Variants in JAZF1 observed in about 807,000 individuals in gnomAD.
The protein encoded by JAZF1 is juxtaposed with another zinc finger protein 1.
JAZF1 carries 8 observed loss-of-function variants against 26.4 expected under a neutral mutation model. The ratio of observed to expected loss-of-function variants is 0.30; its 90% CI spans 0.18 to 0.55. JAZF1 has a LOEUF of 0.55. Ranked by LOEUF, JAZF1 falls within the 20% of genes least tolerant of loss-of-function variation. The pLI, the probability that JAZF1 is intolerant of heterozygous loss-of-function variation, is 0.94. For synonymous variants in JAZF1, 126 were observed against 122.3 expected, an observed-to-expected ratio of 1.03 and a Z score of -0.20; for missense variants, 199 against 322.0, an observed-to-expected ratio of 0.62 and a Z score of 2.92.
At chr7:27,971,375 T>G (rs767206681) in intron 2 of JAZF1, among the ~76,000 whole-genome samples, 2 of 152,142 alleles carry the variant, frequency 1.3e-5, no homozygotes, top group Non-Finnish European at 2.9e-5. Context: ...CTGCACTGCT[T>G]TGAGCCAACG....
intron 1 of JAZF1, among the ~76,000 whole-genome samples, chr7:28,094,260 G>A (rs531831819): frequency 3.3e-4 from 50 of 152,204 alleles, no homozygotes; most frequent in East Asian, 3.3e-3. Context: ...CTGCCTCCCC[G>A]ATATCCCTTC....
At chr7:27,913,874 T>C (rs1784402323) in intron 2 of JAZF1, among the ~76,000 whole-genome samples, 1 of 152,214 alleles carries the variant, frequency 6.6e-6, no homozygotes, top group African/African-American at 2.4e-5. Flanking sequence ...CTTTACCACG[T>C]GCTAGTTATA....
intron 1 of JAZF1, among the ~76,000 whole-genome samples, chr7:28,122,192 G>C (rs1183623879): frequency 6.6e-6 from 1 of 152,136 alleles, no homozygotes; most frequent in Non-Finnish European, 1.5e-5. Flanking sequence ...TCATGTCTGA[G>C]CCAAAACCAA....
intron 1 of JAZF1, among the ~76,000 whole-genome samples, chr7:28,122,746 T>C (rs1266349331): frequency 6.6e-6 from 1 of 152,118 alleles, no homozygotes; most frequent in Non-Finnish European, 1.5e-5. Flanking sequence ...CACTCATGTG[T>C]TCATTCATTC....
At chr7:27,956,818 A>G (rs1031036114) in intron 2 of JAZF1, among the ~76,000 whole-genome samples, 2 of 152,196 alleles carry the variant, frequency 1.3e-5, no homozygotes, top group African/African-American at 4.8e-5. Context: ...TCGGAGAAGA[A>G]TATTTTCAAA....
intron 1 of JAZF1, among the ~76,000 whole-genome samples, chr7:28,030,516 T>C (rs1783171223): frequency 1.3e-5 from 2 of 152,222 alleles, no homozygotes; most frequent in South Asian, 2.1e-4. Context: ...TGGATAACTC[T>C]GCATAAGTAA....
intron 1 of JAZF1, among the ~76,000 whole-genome samples, chr7:28,171,184 C>A (rs965728076): frequency 3.9e-5 from 6 of 152,172 alleles, no homozygotes; most frequent in African/African-American, 1.4e-4. Context: ...ATACCCCTGG[C>A]AATTTAACAA....
intron 3 of JAZF1, among the ~76,000 whole-genome samples, chr7:27,876,486 C>T (rs1783682979): frequency 1.3e-5 from 2 of 152,106 alleles, no homozygotes; most frequent in Admixed American, 6.5e-5. Flanking sequence ...TTAACACCAC[C>T]GTTATCACAA....
At chr7:28,004,825 G>A (rs1384462173) in intron 1 of JAZF1, among the ~76,000 whole-genome samples, 2 of 152,166 alleles carry the variant, frequency 1.3e-5, no homozygotes, top group Non-Finnish European at 2.9e-5. Flanking sequence ...GCTAATTTTT[G>A]TATTTTTAGT....
intron 1 of JAZF1, among the ~76,000 whole-genome samples, chr7:27,992,486 T>C (rs962991231): frequency 2.0e-5 from 3 of 152,096 alleles, no homozygotes; most frequent in African/African-American, 4.8e-5. Flanking sequence ...GTATAATGAG[T>C]TTATTATAAC....
intron 1 of JAZF1, among the ~76,000 whole-genome samples, chr7:28,066,805 T>C (rs955349505): frequency 6.6e-6 from 1 of 152,068 alleles, no homozygotes; most frequent in Non-Finnish European, 1.5e-5. Context: ...GTTACTGCTG[T>C]TTTAAAACTC....
intron 3 of JAZF1, among the ~76,000 whole-genome samples, chr7:27,858,788 C>T (rs555393232): frequency 1.3e-4 from 20 of 152,238 alleles, no homozygotes; most frequent in Admixed American, 1.2e-3. Context: ...TAGAAGAAAA[C>T]CTAGGCAATA....
At chr7:27,909,048 T>C (rs1784314167) in intron 2 of JAZF1, among the ~76,000 whole-genome samples, 1 of 144,718 alleles carries the variant, frequency 6.9e-6, no homozygotes, top group African/African-American at 2.6e-5. Flanking sequence ...CTCGCTGTGC[T>C]GTCCAGAATG....
intron 2 of JAZF1, among the ~76,000 whole-genome samples, chr7:27,926,005 A>G (rs1338145061): frequency 6.6e-6 from 1 of 152,094 alleles, no homozygotes; most frequent in East Asian, 1.9e-4. Flanking sequence ...GAAGTGAACC[A>G]CTCTGCATGA....
At chr7:27,974,957 T>G (rs930753443) in intron 2 of JAZF1, among the ~76,000 whole-genome samples, 1 of 151,278 alleles carries the variant, frequency 6.6e-6, no homozygotes, top group African/African-American at 2.4e-5. Context: ...CGATCTGGGC[T>G]CTCTGCAACC....
chr7:28,108,889 C>A (rs938842964), intron 1 of JAZF1, among the ~76,000 whole-genome samples: 3 of 152,284 alleles, frequency 2.0e-5, no homozygotes, highest in Admixed American at 2.0e-4. Flanking sequence ...AGGAAACTGC[C>A]ATTTGCAATA....
chr7:27,995,508 C>T (rs892944004), intron 1 of JAZF1, among the ~76,000 whole-genome samples: 2 of 152,074 alleles, frequency 1.3e-5, no homozygotes, highest in East Asian at 1.9e-4. Context: ...TGTTTTCCGC[C>T]CTAGACTACT....
At position 28,103,399 on chromosome 7, in the gene JAZF1, C is replaced by T. The variant is rs112806335; in HGVS notation, c.115+77064G>A. Among the ~76,000 whole-genome samples the T allele has an allele frequency of 2.2e-3, 333 of 152,160 alleles. 1 individual carries two copies. Among genetic ancestry groups the T allele is most frequent in the African/African-American group, 7.5e-3 (313 of 41,494 alleles). On this transcript the variant is annotated intron_variant, in intron 1 of 4. Transcript: ENST00000283928. The stretch of plus-strand genomic sequence containing the variant: ...GTTTGAGGCTGTAGTGTACTATGAT[C>T]GCGCCTCTGAAAAGCCACTGCACTC...
chr7:28,002,164 A>T (rs1039448748), intron 1 of JAZF1, among the ~76,000 whole-genome samples: 1 of 152,162 alleles, frequency 6.6e-6, no homozygotes, highest in African/African-American at 2.4e-5. Flanking sequence ...AACCCCAACT[A>T]CCCTGATTAA....
Sources: gnomAD v4.1 joint callset for allele counts (sites outside exome capture counted in the v4.1 genomes callset) on GRCh38, gnomAD v4.1.1 for gene constraint, MANE v1.5 for transcripts, NCBI Gene and HGNC (gene_info 2026-07-23, HGNC 2026-07-21) for gene names.